Variants in GRK5 observed in about 807,000 individuals in gnomAD.
GRK5 encodes the protein g protein-coupled receptor kinase GRK5.
Under a neutral mutation model 78.4 loss-of-function variants are expected in GRK5, and 40 were observed. The ratio of observed to expected loss-of-function variants is 0.51; its 90% CI spans 0.40 to 0.66. The LOEUF is 0.66. Ranked by LOEUF, GRK5 falls within the 30% of genes least tolerant of loss-of-function variation. The pLI, the probability that GRK5 is intolerant of heterozygous loss-of-function variation, is 0.00. For missense variants in GRK5, 598 were observed against 759.9 expected, an observed-to-expected ratio of 0.79 and a Z score of 2.50; for synonymous variants, 289 against 296.8, an observed-to-expected ratio of 0.97 and a Z score of 0.27.
chr10:119,364,966 A>T (rs1342554890), intron 2 of GRK5, among the ~76,000 whole-genome samples: 1 of 152,004 alleles, frequency 6.6e-6, no homozygotes, highest in African/African-American at 2.4e-5. Flanking sequence ...TCTTTTTCCC[A>T]GTTATCTCTC....
At position 119,394,376 on chromosome 10, in the gene GRK5, C is replaced by T. The variant is rs1463947766; in HGVS notation, c.262-2319C>T. Among the ~76,000 whole-genome samples, 19 of 18,322 alleles carry T rather than the reference C, an allele frequency of 1.0e-3. 5 individuals carry two copies. The highest frequency in any genetic ancestry group is 8.3e-3 in the South Asian group (5 of 604). 12.0% of individuals were successfully genotyped at this position (18,322 alleles called of 152,430 possible). On this transcript the variant is annotated intron_variant, in intron 3 of 15. Coordinates refer to ENST00000392870, the MANE Select transcript of GRK5 (RefSeq NM_005308.3). The stretch of plus-strand genomic sequence containing the variant: ...TGGGTGTGTGGGTGTGTGTGGGTGT[C>T]GGTGTGTGTATCTGTGTCTGTGTGT...
chr10:119,304,688 C>T (rs548338401), intron 1 of GRK5, among the ~76,000 whole-genome samples: 67 of 152,330 alleles, frequency 4.4e-4, no homozygotes, highest in African/African-American at 1.3e-3. Context: ...CCAACACTGT[C>T]GCCAGTGCAC....
rs1589806968 is a variant in GRK5 at position 119,431,477 on chromosome 10, A to G, written c.688A>G (p.Met230Val). Residue 230 changes from methionine to valine, a missense_variant, in exon 8 of 16, where the codon ATG becomes GTG. Physicochemically the swap from Met to Val is conservative, Grantham distance 21. Coordinates refer to ENST00000392870, the MANE Select transcript of GRK5 (RefSeq NM_005308.3). This position sits in a 1 kb window ranked among gnomAD's most constrained non-coding sequence, Gnocchi z 4.8. ...KRIKKRKGES[M>V]ALNEKQILEK... The stretch of plus-strand genomic sequence containing the variant: ...GATCAAAAAGAGGAAAGGGGAGTCC[A>G]TGGCCCTCAATGAGAAGCAGATCCT... The G allele has an allele frequency of 6.2e-7, 1 of 1,614,074 alleles. No individual in the cohort carries two copies.
At chr10:119,403,803 T>G (rs1478433716) in intron 4 of GRK5, among the ~76,000 whole-genome samples, 1 of 152,084 alleles carries the variant, frequency 6.6e-6, no homozygotes, top group African/African-American at 2.4e-5. Flanking sequence ...CTGGCTAATT[T>G]TTGTATTGTT....
chr10:119,262,989 A>G (rs201320649), intron 1 of GRK5, among the ~76,000 whole-genome samples: 2 of 152,118 alleles, frequency 1.3e-5, no homozygotes, highest in East Asian at 3.8e-4. Flanking sequence ...ATTTCTTACT[A>G]TATCTCTTGG....
chr10:119,222,533 G>A (rs976408304), intron 1 of GRK5, among the ~76,000 whole-genome samples: 8 of 151,916 alleles, frequency 5.3e-5, no homozygotes, highest in East Asian at 1.9e-4. Flanking sequence ...AGGGCCCTAC[G>A]GTTCCCACCT....
At chr10:119,357,165 G>GT (rs1851275619) in intron 2 of GRK5, among the ~76,000 whole-genome samples, 1 of 152,244 alleles carries the variant, frequency 6.6e-6, no homozygotes, top group Non-Finnish European at 1.5e-5. Flanking sequence ...TGGAAATGGT[G>GT]TTTTTTCTCA....
chr10:119,432,225 G>C (rs1852834541), intron 8 of GRK5, among the ~76,000 whole-genome samples: 2 of 151,848 alleles, frequency 1.3e-5, no homozygotes, highest in East Asian at 3.8e-4. Context: ...AGTTTCAGGG[G>C]AGGCTGGGAA....
At chr10:119,212,938 G>T (rs1330954418) in intron 1 of GRK5, 1 of 152,242 alleles carries the variant, frequency 6.6e-6, no homozygotes, top group Non-Finnish European at 1.5e-5. Context: ...TACTGGTCTG[G>T]AGCGAACTAT....
In GRK5 at chr10:119,444,048, C is replaced by G. The variant is rs529457481; in HGVS notation, c.1266+296C>G. ...CATCCAGCCTGTGGGGGGGTCCACA[C>G]AGGGCGGAGAAGAGATGGTCTGAGC... On this transcript the variant is annotated intron_variant, in intron 12 of 15. Transcript: ENST00000392870. Among the ~76,000 whole-genome samples, 49 of 152,208 alleles carry G rather than the reference C, an allele frequency of 3.2e-4. 1 individual carries two copies. The South Asian group carries it at 0.01, about 32-fold the overall frequency.
At chr10:119,292,120 C>T (rs146992771) in intron 1 of GRK5, among the ~76,000 whole-genome samples, 49,137 of 64,700 alleles carry the variant, frequency 0.76, 18,325 homozygotes, top group East Asian at 0.94. Context: ...CTCTTCCTCC[C>T]TCTCCTCATC....
In GRK5 at chr10:119,264,492, G is replaced by A. The variant is rs1353638361; in HGVS notation, c.52+56523G>A. Among the ~76,000 whole-genome samples the A allele has an allele frequency of 1.3e-5, 2 of 152,070 alleles. No individual in the cohort carries two copies. The highest frequency in any genetic ancestry group is 1.9e-4 in the East Asian group (1 of 5,192). ...TACCGCTCATCCTTCTCCCCATGAC[G>A]ATAAAGATGGCCAGTGGCTGTGTGT... is the stretch of plus-strand genomic sequence containing the variant. On this transcript the variant is annotated intron_variant, in intron 1 of 15. Coordinates refer to ENST00000392870, the MANE Select transcript of GRK5 (RefSeq NM_005308.3). The surrounding 1 kb of genome is among the most constrained non-coding windows in gnomAD (Gnocchi z 4.1).
chr10:119,213,908 A>G (rs1292299064), intron 1 of GRK5, among the ~76,000 whole-genome samples: 2 of 152,192 alleles, frequency 1.3e-5, no homozygotes, highest in South Asian at 4.1e-4. Flanking sequence ...GCCTCAGATA[A>G]TACAATGTGA....
rs910978256 is a variant in GRK5 at position 119,237,008 on chromosome 10, C to T, written c.52+29039C>T. ...TCAAGTCCCCTTTACTCATTTATAT[C>T]ACCTGACCAGCCTCTGGTTTCAGGG... On this transcript the variant is annotated intron_variant, in intron 1 of 15. Coordinates refer to ENST00000392870, the MANE Select transcript of GRK5 (RefSeq NM_005308.3). 1.6e-4 allele frequency among the ~76,000 whole-genome samples: 24 copies of T among 151,626 alleles called. No homozygotes were observed. In the East Asian group the frequency reaches 4.7e-3, roughly 30 times the overall value.
chr10:119,326,435 G>C, intron 1 of GRK5, 81 bp from the exon 2 acceptor site: 1 of 1,144,942 alleles, frequency 8.7e-7, no homozygotes, highest in South Asian at 1.3e-5. Context: ...TCTCAGCCCA[G>C]GAGGCTGGTG....
intron 1 of GRK5, among the ~76,000 whole-genome samples, chr10:119,309,576 C>T (rs1850327895): frequency 6.6e-6 from 1 of 152,222 alleles, no homozygotes; most frequent in African/African-American, 2.4e-5. Flanking sequence ...CACTTTGGCC[C>T]TAGCAGCCTT....
At chr10:119,229,558 G>A (rs1848793316) in intron 1 of GRK5, among the ~76,000 whole-genome samples, 1 of 152,216 alleles carries the variant, frequency 6.6e-6, no homozygotes, top group African/African-American at 2.4e-5. Context: ...CCTCCTGGGT[G>A]TGTAATGCTG....
intron 4 of GRK5, among the ~76,000 whole-genome samples, chr10:119,403,329 G>A (rs1394861523): frequency 1.3e-5 from 2 of 152,038 alleles, no homozygotes; most frequent in African/African-American, 4.8e-5. Flanking sequence ...ACCACGCCCT[G>A]CTAATTTTTG....
At chr10:119,398,737 A>T (rs1852098943) in intron 4 of GRK5, among the ~76,000 whole-genome samples, 1 of 152,234 alleles carries the variant, frequency 6.6e-6, no homozygotes, top group Non-Finnish European at 1.5e-5. Context: ...TCACATCCCA[A>T]GTCACACAAC....
Sources: gnomAD v4.1 joint callset for allele counts (sites outside exome capture counted in the v4.1 genomes callset) on GRCh38, gnomAD v4.1.1 for gene constraint, Gnocchi (gnomAD v3.1) non-coding constraint, MANE v1.5 for transcripts, NCBI Gene and HGNC (gene_info 2026-07-23, HGNC 2026-07-21) for gene names.